The following ATP9B variants were observed in gnomAD, a reference collection of about 807,000 sequenced individuals.
ATP9B encodes the protein ATPase phospholipid transporting 9B.
In ATP9B, 110 loss-of-function variants were observed where a neutral mutation model predicts 146.1. That is an observed-to-expected ratio of 0.75 (90% confidence interval 0.65 to 0.88). The LOEUF (loss-of-function observed/expected upper bound fraction) is 0.88. Among genes scored for constraint, ATP9B ranks in the 40% least tolerant of loss-of-function variants. ATP9B has a pLI of 0.00. For synonymous variants in ATP9B, 604 were observed against 569.7 expected (o/e 1.06, Z -0.86); for missense variants, 1,499 against 1,496.4 (o/e 1.00, Z -0.03).
intron 6 of ATP9B, chr18:79,145,551 CAG>C (rs1474584782): frequency 2.0e-5 from 2 of 102,082 alleles, no homozygotes; most frequent in African/African-American, 5.4e-5. Flanking sequence ...AGCTGCATGT[CAG>C]GGGAGCTGCC....
chr18:79,092,716 TC>T (rs1284461974), intron 1 of ATP9B, among the ~76,000 whole-genome samples: 1 of 148,148 alleles, frequency 6.8e-6, no homozygotes, highest in Non-Finnish European at 1.5e-5. Flanking sequence ...AGGGTCAGGA[TC>T]ATCAATATCA....
At chr18:79,307,471 C>T (rs1234638574) in intron 15 of ATP9B, 1 of 541,478 alleles carries the variant, frequency 1.8e-6, no homozygotes, top group East Asian at 3.2e-5. Flanking sequence ...CCAGAACACC[C>T]AGGGCTGGTC....
At chr18:79,375,282 C>T in intron 28 of ATP9B, 112 bp from the exon 29 acceptor site, 1 of 958,976 alleles carries the variant, frequency 1.0e-6, no homozygotes, top group Non-Finnish European at 1.6e-6. Flanking sequence ...GCAGCTTGCA[C>T]TGCCATTTTA....
intron 26 of ATP9B, among the ~76,000 whole-genome samples, chr18:79,370,811 A>G (rs1222391479): frequency 1.3e-5 from 2 of 152,230 alleles, no homozygotes; most frequent in African/African-American, 2.4e-5. Flanking sequence ...ATAGACACCA[A>G]TCATTGACCT....
At chr18:79,303,558 C>T (rs2096605037) in intron 13 of ATP9B, 46 bp from the exon 14 acceptor site, 2 of 1,517,776 alleles carry the variant, frequency 1.3e-6, no homozygotes, top group South Asian at 1.1e-5. Flanking sequence ...GGTGTTCCCG[C>T]AGGCCTCCTG....
intron 12 of ATP9B, among the ~76,000 whole-genome samples, chr18:79,275,882 A>G (rs1450211368): frequency 6.6e-6 from 1 of 152,266 alleles, no homozygotes; most frequent in Non-Finnish European, 1.5e-5. Flanking sequence ...AGAATTTTTA[A>G]GATATGAACT....
At chr18:79,316,847 G>C (rs1263480361) in intron 15 of ATP9B, among the ~76,000 whole-genome samples, 1 of 152,168 alleles carries the variant, frequency 6.6e-6, no homozygotes, top group South Asian at 2.1e-4. Flanking sequence ...TTCTTTGAAA[G>C]GTTAAATGAA....
intron 7 of ATP9B, among the ~76,000 whole-genome samples, chr18:79,167,259 T>A (rs1305479178): frequency 1.3e-5 from 2 of 152,184 alleles, no homozygotes; most frequent in African/African-American, 2.4e-5. Context: ...TCTCAAGTTC[T>A]TGTCCGGCAT....
chr18:79,249,679 G>T (rs774186478), intron 11 of ATP9B, among the ~76,000 whole-genome samples: 1 of 152,028 alleles, frequency 6.6e-6, no homozygotes, highest in Admixed American at 6.5e-5. Flanking sequence ...AAGTTAACTG[G>T]TTTTTATTTT....
chr18:79,352,137 C>G (rs508923), intron 25 of ATP9B, among the ~76,000 whole-genome samples: 1 of 152,242 alleles, frequency 6.6e-6, no homozygotes, highest in Admixed American at 6.5e-5. Flanking sequence ...CCCAGAGATT[C>G]TGGCAGCTGC....
intron 26 of ATP9B, chr18:79,372,509 C>T (rs2097077627): frequency 1.9e-6 from 1 of 517,780 alleles, no homozygotes; most frequent in South Asian, 1.6e-5. Flanking sequence ...GAGCCTTTCC[C>T]CCTGGTTCAC....
intron 3 of ATP9B, among the ~76,000 whole-genome samples, chr18:79,112,162 T>C (rs2093986900): frequency 6.6e-6 from 1 of 152,208 alleles, no homozygotes; most frequent in Admixed American, 6.5e-5. Context: ...TTGCAGACTC[T>C]CTAGTTGAGC....
At chr18:79,365,596 C>T (rs2097021797) in intron 26 of ATP9B, among the ~76,000 whole-genome samples, 1 of 152,272 alleles carries the variant, frequency 6.6e-6, no homozygotes, top group Non-Finnish European at 1.5e-5. Flanking sequence ...AAGCTGGAAA[C>T]AACCTTGTGC....
chr18:79,269,530 C>G (rs1245060723), intron 12 of ATP9B, among the ~76,000 whole-genome samples: 1 of 152,198 alleles, frequency 6.6e-6, no homozygotes, highest in Admixed American at 6.5e-5. Flanking sequence ...GTTTTATAAT[C>G]TGTATCAATA....
In ATP9B at chr18:79,359,459, C is replaced by T. The variant is rs1291672436; in HGVS notation, c.3009C>T (p.Thr1003=). 3.1e-6 allele frequency: 5 copies of T among 1,611,920 alleles called. No homozygotes were observed. In the South Asian group the frequency reaches 3.3e-5, roughly 11 times the overall value. Residue 1003 remains threonine, a synonymous_variant, in exon 26 of 30, where the codon ACC becomes ACT. Coordinates refer to ENST00000426216, the MANE Select transcript of ATP9B (RefSeq NM_198531.5). ...MLYPELYKDL[T]KGRSLSFKTF... Reference sequence around the variant, plus strand: ...ACCCGGAGCTGTACAAGGACCTCACCAAGGTACGGGCCTCAGGCAAGCTGT... The same window carrying T: ...ACCCGGAGCTGTACAAGGACCTCACTAAGGTACGGGCCTCAGGCAAGCTGT...
At chr18:79,193,287 A>C in intron 9 of ATP9B, 24 bp downstream of exon 9, 1 of 1,535,370 alleles carries the variant, frequency 6.5e-7, no homozygotes, top group Non-Finnish European at 9.0e-7. Flanking sequence ...GTTGTTCAAT[A>C]CAAATAGAGT....
intron 7 of ATP9B, among the ~76,000 whole-genome samples, chr18:79,176,591 A>T (rs1347075189): frequency 6.6e-6 from 1 of 151,982 alleles, no homozygotes; most frequent in African/African-American, 2.4e-5. Context: ...TAAGTGATTT[A>T]AAAAAATATA....
intron 11 of ATP9B, among the ~76,000 whole-genome samples, chr18:79,245,844 A>T (rs2095948610): frequency 7.4e-6 from 1 of 134,824 alleles, no homozygotes. Flanking sequence ...CACCCTACTG[A>T]CTGCGGAGGG....
intron 5 of ATP9B, among the ~76,000 whole-genome samples, chr18:79,131,620 A>G (rs2094379481): frequency 6.6e-6 from 1 of 152,232 alleles, no homozygotes; most frequent in Non-Finnish European, 1.5e-5. Flanking sequence ...TCAGTTTCTC[A>G]AATAGTTAAA....
Sources: allele counts gnomAD v4.1 joint callset (sites outside exome capture counted in the v4.1 genomes callset), GRCh38; gene constraint gnomAD v4.1.1; transcripts MANE v1.5; gene names NCBI Gene and HGNC (gene_info 2026-07-23, HGNC 2026-07-21).